The following LNX2 variants were observed in gnomAD, a reference collection of about 807,000 sequenced individuals.
LNX2 encodes the protein ligand of numb-protein X 2, also known as ligand of Numb protein X 2.
A neutral mutation model predicts 66.2 loss-of-function variants in LNX2; 35 were observed. The ratio of observed to expected loss-of-function variants is 0.53; its 90% CI spans 0.40 to 0.70. The LOEUF (loss-of-function observed/expected upper bound fraction) is 0.70. Ranked by LOEUF, LNX2 falls within the 30% of genes least tolerant of loss-of-function variation. The probability of loss-of-function intolerance (pLI) is 0.00; values close to 1 mark genes in which losing one functional copy is unlikely to be tolerated. For synonymous variants in LNX2, 337 were observed against 315.6 expected, an observed-to-expected ratio of 1.07 and a Z score of -0.72; for missense variants, 791 against 850.8, an observed-to-expected ratio of 0.93 and a Z score of 0.87.
At chr13:27,569,440 A>C (rs1955250622) in intron 2 of LNX2, among the ~76,000 whole-genome samples, 164 bp from the exon 3 acceptor site, 1 of 152,210 alleles carries the variant, frequency 6.6e-6, no homozygotes, top group Admixed American at 6.5e-5. Flanking sequence ...CTAAGTTCTT[A>C]CTGCTCCATA....
intron 4 of LNX2, among the ~76,000 whole-genome samples, chr13:27,563,544 G>A (rs1197163970): frequency 6.6e-6 from 1 of 152,170 alleles, no homozygotes; most frequent in East Asian, 1.9e-4. Flanking sequence ...CCTTGGGTAT[G>A]TAACAGCACT....
chr13:27,612,848 C>CTTT (rs1955786568), intron 1 of LNX2, among the ~76,000 whole-genome samples: 1 of 152,134 alleles, frequency 6.6e-6, no homozygotes, highest in Admixed American at 6.5e-5. Context: ...CCTTGGCCAC[C>CTTT]CAAAGTGAGC....
chr13:27,573,791 C>T (rs1955312928), intron 2 of LNX2, among the ~76,000 whole-genome samples: 1 of 151,878 alleles, frequency 6.6e-6, no homozygotes, highest in Non-Finnish European at 1.5e-5. Context: ...AACAAACAAA[C>T]AACAACAATA....
intron 5 of LNX2, among the ~76,000 whole-genome samples, chr13:27,560,780 GACC>G (rs1261325129): frequency 2.0e-5 from 3 of 151,886 alleles, no homozygotes; most frequent in Non-Finnish European, 4.4e-5. Flanking sequence ...TCTTGGTCAT[GACC>G]ACAATGCCCA....
At chr13:27,600,799 A>C (rs1955649450) in intron 1 of LNX2, among the ~76,000 whole-genome samples, 1 of 152,110 alleles carries the variant, frequency 6.6e-6, no homozygotes, top group Admixed American at 6.5e-5. Context: ...CCTATTTCTA[A>C]TGGCTGGCTT....
At chr13:27,580,291 T>C (rs1295571503) in intron 2 of LNX2, among the ~76,000 whole-genome samples, 1 of 152,118 alleles carries the variant, frequency 6.6e-6, no homozygotes, top group East Asian at 1.9e-4. Flanking sequence ...AGTCTCCTTA[T>C]TCATAAAATG....
intron 1 of LNX2, among the ~76,000 whole-genome samples, chr13:27,603,368 T>G (rs2047202233): frequency 6.6e-6 from 1 of 152,210 alleles, no homozygotes; most frequent in African/African-American, 2.4e-5. Context: ...GAATGGCATC[T>G]GATGCCATTC....
At chr13:27,609,246 G>A (rs1375420509) in intron 1 of LNX2, among the ~76,000 whole-genome samples, 1 of 151,072 alleles carries the variant, frequency 6.6e-6, no homozygotes. Context: ...TCCGCCTCCC[G>A]GATTCAAGCA....
chr13:27,562,552 G>A lies in LNX2; in HGVS notation c.1085C>T (p.Pro362Leu). 3 of 1,614,130 alleles carry A rather than the reference G, an allele frequency of 1.9e-6. No homozygotes were observed. The highest frequency in any genetic ancestry group is 2.5e-6 in the Non-Finnish European group (3 of 1,180,024). The change falls in exon 5 of 10, where the codon CCA becomes CTA. Residue 362 changes from proline to leucine, a missense_variant. Pro to Leu is a moderately conservative substitution (Grantham distance 98). Coordinates refer to ENST00000316334, the MANE Select transcript of LNX2 (RefSeq NM_153371.4). ...CAACAGGTCAAGAATAAAAACCCCTGGCTCATCTGTCCTTCGCACCAATTT... is the reference window on the plus strand; with the variant it reads ...CAACAGGTCAAGAATAAAAACCCCTAGCTCATCTGTCCTTCGCACCAATTT... ...GIKLVRRTDE[P>L]GVFILDLLEG...
chr13:27,563,196 T>C (rs542443053), intron 4 of LNX2, among the ~76,000 whole-genome samples: 1 of 152,204 alleles, frequency 6.6e-6, no homozygotes, highest in Non-Finnish European at 1.5e-5. Context: ...TAAATACTAA[T>C]TCTAGTGGAA....
At chr13:27,574,966 T>C (rs1365027585) in intron 2 of LNX2, among the ~76,000 whole-genome samples, 1 of 152,224 alleles carries the variant, frequency 6.6e-6, no homozygotes, top group East Asian at 1.9e-4. Context: ...CCAGGAAGTC[T>C]ATATCCAGCC....
intron 1 of LNX2, among the ~76,000 whole-genome samples, chr13:27,605,822 A>G (rs1381266274): frequency 1.3e-5 from 2 of 152,222 alleles, no homozygotes; most frequent in Admixed American, 1.3e-4. Flanking sequence ...CTGTCCACTT[A>G]TATTTCACCA....
chr13:27,556,724 C>G (rs1955065788), intron 6 of LNX2, among the ~76,000 whole-genome samples: 1 of 152,172 alleles, frequency 6.6e-6, no homozygotes. Context: ...ATCAACTTCA[C>G]AAAAGTAAAT....
chr13:27,551,471 AAAAC>A (rs1955006821), intron 8 of LNX2, among the ~76,000 whole-genome samples: 1 of 152,038 alleles, frequency 6.6e-6, no homozygotes, highest in African/African-American at 2.4e-5. Context: ...TCTTAAAAAC[AAAAC>A]AAACAAAAAA....
At chr13:27,551,579 A>G (rs1286911163) in intron 8 of LNX2, among the ~76,000 whole-genome samples, 1 of 151,860 alleles carries the variant, frequency 6.6e-6, no homozygotes, top group African/African-American at 2.4e-5. Flanking sequence ...ACGGAAGGCA[A>G]GGTTTCCTGT....
At position 27,567,916 on chromosome 13, in the gene LNX2, T is replaced by C. The variant is rs1955226776; in HGVS notation, c.656-77A>G. ...AACCCAACAATTTATATTCTGATTA[T>C]CTTCAGGTAAGTATGTCACATTAAT... On this transcript the variant is annotated intron_variant, in intron 3 of 9. Coordinates refer to ENST00000316334, the MANE Select transcript of LNX2 (RefSeq NM_153371.4). 4.2e-6 allele frequency: 5 copies of C among 1,186,264 alleles called. No homozygotes were observed. In the South Asian group the frequency reaches 5.1e-5, roughly 12 times the overall value. 73.5% of individuals were successfully genotyped at this position (1,186,264 alleles called of 1,614,324 possible).
upstream of LNX2, chr13:27,620,702 G>A (rs982294561): frequency 6.6e-6 from 1 of 152,320 alleles, no homozygotes; most frequent in Admixed American, 6.5e-5. Flanking sequence ...CTCGGGAGGC[G>A]GGCCAGAAGG....
At chr13:27,612,098 A>G (rs1166138879) in intron 1 of LNX2, among the ~76,000 whole-genome samples, 1 of 152,274 alleles carries the variant, frequency 6.6e-6, no homozygotes, top group Non-Finnish European at 1.5e-5. Flanking sequence ...AAAGTCCTAG[A>G]GAAATCACAG....
chr13:27,572,647 A>C (rs551410024), intron 2 of LNX2, among the ~76,000 whole-genome samples: 50 of 152,274 alleles, frequency 3.3e-4, no homozygotes, highest in African/African-American at 1.0e-3. Context: ...TAAGGGAAAA[A>C]TTATATATGG....
Sources: gnomAD v4.1 joint callset for allele counts (sites outside exome capture counted in the v4.1 genomes callset) on GRCh38, gnomAD v4.1.1 for gene constraint, MANE v1.5 for transcripts, NCBI Gene and HGNC (gene_info 2026-07-23, HGNC 2026-07-21) for gene names.